ABHD17C: variants seen among roughly 807,000 people sequenced by gnomAD.
ABHD17C encodes abhydrolase domain containing 17C, depalmitoylase.
In ABHD17C, 11 loss-of-function variants were observed where a neutral mutation model predicts 27.9. That is an observed-to-expected ratio of 0.39 (90% confidence interval 0.25 to 0.65). The LOEUF is 0.65. Among genes scored for constraint, ABHD17C ranks in the 30% least tolerant of loss-of-function variants. The pLI is 0.45. For synonymous variants in ABHD17C, 233 were observed against 209.1 expected (o/e 1.11, Z -0.98); for missense variants, 280 against 470.2 (o/e 0.60, Z 3.74).
intron 1 of ABHD17C, among the ~76,000 whole-genome samples, chr15:80,737,361 A>T (rs2141515371): frequency 6.6e-6 from 1 of 152,304 alleles, no homozygotes; most frequent in South Asian, 2.1e-4. Context: ...TCCTGTCTAG[A>T]TCCCCAAGGT....
At chr15:80,753,233 A>G (rs1895387385) in intron 2 of ABHD17C, among the ~76,000 whole-genome samples, 1 of 151,994 alleles carries the variant, frequency 6.6e-6, no homozygotes. Flanking sequence ...AAGATAATAT[A>G]TAAAAAATAG....
At chr15:80,723,808 C>T (rs1215541575) in intron 1 of ABHD17C, among the ~76,000 whole-genome samples, 4 of 150,366 alleles carry the variant, frequency 2.7e-5, no homozygotes, top group Non-Finnish European at 4.5e-5. Flanking sequence ...TCCGACCAAC[C>T]GCTGTGGCAT....
At chr15:80,725,252 C>T (rs1400684779) in intron 1 of ABHD17C, among the ~76,000 whole-genome samples, 1 of 152,156 alleles carries the variant, frequency 6.6e-6, no homozygotes, top group Non-Finnish European at 1.5e-5. Flanking sequence ...AAAGTTTCTC[C>T]ACCGTTTCTG....
At chr15:80,729,936 G>A (rs1895035053) in intron 1 of ABHD17C, among the ~76,000 whole-genome samples, 1 of 149,776 alleles carries the variant, frequency 6.7e-6, no homozygotes, top group South Asian at 2.2e-4. Context: ...CCAACATGGT[G>A]AAACTCCGTC....
intron 1 of ABHD17C, among the ~76,000 whole-genome samples, chr15:80,725,961 G>A (rs967021713): frequency 1.3e-5 from 2 of 152,084 alleles, no homozygotes; most frequent in African/African-American, 2.4e-5. Context: ...GGGAAATCAG[G>A]GGTCTCACAG....
At chr15:80,709,353 G>T (rs760093273) in intron 1 of ABHD17C, among the ~76,000 whole-genome samples, 1 of 151,700 alleles carries the variant, frequency 6.6e-6, no homozygotes, top group South Asian at 2.1e-4. Flanking sequence ...GCCAGGTGTC[G>T]TAGTGCACAC....
chr15:80,740,372 G>A lies in ABHD17C; in HGVS notation c.591-9141G>A, dbSNP rs192258567. ...TTCCATTTTCAGTGCAGCTGTACTC[G>A]CTGCACTGGTCATTTGGATGGGCCC... On this transcript the variant is annotated intron_variant, in intron 1 of 2. Transcript: ENST00000258884. 3.7e-4 allele frequency among the ~76,000 whole-genome samples: 57 copies of A among 152,146 alleles called. 1 individual carries two copies. In the East Asian group the frequency reaches 8.3e-3, roughly 22 times the overall value.
At chr15:80,727,462 C>G (rs979236672) in intron 1 of ABHD17C, among the ~76,000 whole-genome samples, 2 of 152,164 alleles carry the variant, frequency 1.3e-5, no homozygotes, top group Admixed American at 1.3e-4. Context: ...AGTCCAGATT[C>G]CTTTGAGCCA....
At chr15:80,748,484 A>G (rs1895321492) in intron 1 of ABHD17C, among the ~76,000 whole-genome samples, 1 of 152,062 alleles carries the variant, frequency 6.6e-6, no homozygotes, top group South Asian at 2.1e-4. Flanking sequence ...TAAAATAGTA[A>G]CTCATGGATT....
chr15:80,707,866 T>A (rs1391248448), intron 1 of ABHD17C, among the ~76,000 whole-genome samples: 1 of 152,220 alleles, frequency 6.6e-6, no homozygotes, highest in East Asian at 1.9e-4. Flanking sequence ...TGGAATAAAT[T>A]AGTTTTTCCT....
Position 80,713,382 on chromosome 15 carries a change from T to TTTTTTTTTTC in ABHD17C, c.590+17363_590+17364insTTTTTTTTTC, listed in dbSNP as rs1567032390. On this transcript the variant is annotated intron_variant, in intron 1 of 2. Transcript: ENST00000258884. ...TTTTTTTTTTTTTTTTTTTTTTTTT[T>TTTTTTTTTTC]CAAAATCAGCCTTAGAAAGGAAAAC... Among the ~76,000 whole-genome samples, 9 of 96,042 alleles carry TTTTTTTTTTC rather than the reference T, an allele frequency of 9.4e-5. No individual in the cohort carries two copies. The East Asian group carries it at 2.1e-3, about 22-fold the overall frequency. 63.0% of individuals were successfully genotyped at this position (96,042 alleles called of 152,430 possible). A position where few individuals can be genotyped will look rare whatever the true frequency, so the allele number is the denominator to read the frequency against.
rs1238739380 is a variant in ABHD17C, at chr15:80,755,392, A to G, written c.*1022A>G. The G allele has an allele frequency of 6.6e-6, 1 of 152,224 alleles. No individual in the cohort carries two copies. The highest frequency in any genetic ancestry group is 1.5e-5 in the Non-Finnish European group (1 of 68,042). The allele number at this position is 152,224 out of a possible 1,614,324, so 9.4% of individuals were successfully genotyped here. On this transcript the variant is annotated 3_prime_UTR_variant, in exon 3 of 3. Coordinates refer to ENST00000258884, the MANE Select transcript of ABHD17C (RefSeq NM_021214.2). The stretch of plus-strand genomic sequence containing the variant: ...TTTGACACTGGAAGTTGCGCCAAAT[A>G]AGCATCAGAAATAGGAGATGCTTAA...
intron 1 of ABHD17C, among the ~76,000 whole-genome samples, chr15:80,724,307 A>G (rs898879025): frequency 3.3e-5 from 5 of 152,172 alleles, no homozygotes; most frequent in African/African-American, 9.6e-5. Flanking sequence ...CAGCCTGGGC[A>G]ACAGAGCAAG....
chr15:80,731,686 C>G (rs1181353497), intron 1 of ABHD17C, among the ~76,000 whole-genome samples: 1 of 151,306 alleles, frequency 6.6e-6, no homozygotes, highest in African/African-American at 2.4e-5. Context: ...TTGTTAATGC[C>G]CTTGGATTTT....
At chr15:80,715,134 C>G (rs187245504) in intron 1 of ABHD17C, among the ~76,000 whole-genome samples, 30 of 152,306 alleles carry the variant, frequency 2.0e-4, no homozygotes, top group Admixed American at 3.9e-4. Flanking sequence ...GAGGTTCCCC[C>G]CCATGGAATT....
chr15:80,701,190 T>C (rs1211775241), intron 1 of ABHD17C, among the ~76,000 whole-genome samples: 4 of 152,178 alleles, frequency 2.6e-5, no homozygotes, highest in Admixed American at 2.0e-4. Context: ...AAACACCTTC[T>C]GTTGGTTGTG....
intron 1 of ABHD17C, among the ~76,000 whole-genome samples, chr15:80,701,814 A>AG (rs1894577223): frequency 6.6e-6 from 1 of 152,236 alleles, no homozygotes; most frequent in African/African-American, 2.4e-5. Flanking sequence ...GTAACTCTTA[A>AG]GAACAGACCT....
At chr15:80,727,864 C>T (rs1252733090) in intron 1 of ABHD17C, among the ~76,000 whole-genome samples, 1 of 152,166 alleles carries the variant, frequency 6.6e-6, no homozygotes, top group Non-Finnish European at 1.5e-5. Context: ...ATTGTCAGGC[C>T]TCTGCACTCC....
At position 80,733,228 on chromosome 15, in the gene ABHD17C, C is replaced by T. The variant is rs572122595; in HGVS notation, c.591-16285C>T. Reference sequence around the variant, plus strand: ...ACCTCCTCATGGTCATGACCACATACTCCAGGTTACTTACAGAATCCCTGT... The same window carrying T: ...ACCTCCTCATGGTCATGACCACATATTCCAGGTTACTTACAGAATCCCTGT... On this transcript the variant is annotated intron_variant, in intron 1 of 2. Coordinates refer to ENST00000258884, the MANE Select transcript of ABHD17C (RefSeq NM_021214.2). Among the ~76,000 whole-genome samples, 6 of 152,338 alleles carry T rather than the reference C, an allele frequency of 3.9e-5. No homozygotes were observed. The East Asian group carries it at 1.2e-3, about 29-fold the overall frequency.
Sources: allele counts gnomAD v4.1 joint callset (sites outside exome capture counted in the v4.1 genomes callset), GRCh38; gene constraint gnomAD v4.1.1; transcripts MANE v1.5; gene names NCBI Gene and HGNC (gene_info 2026-07-23, HGNC 2026-07-21).